The following ANO3 variants were observed in gnomAD, a reference collection of about 807,000 sequenced individuals.
ANO3 encodes anoctamin-3.
ANO3 carries 99 observed loss-of-function variants against 144.8 expected under a neutral mutation model. The ratio of observed to expected loss-of-function variants is 0.68; its 90% confidence interval spans 0.58 to 0.81. The LOEUF (loss-of-function observed/expected upper bound fraction) is 0.81, where lower values mean the gene tolerates loss of function less well. ANO3 is among the 30% of genes least tolerant of loss of function. ANO3 has a pLI of 0.00. For synonymous variants in ANO3, 414 were observed against 392.6 expected (o/e 1.05, Z -0.64); for missense variants, 905 against 1,202.2 (o/e 0.75, Z 3.66).
intron 13 of ANO3, among the ~76,000 whole-genome samples, chr11:26,554,574 G>A (rs1430942194): frequency 6.6e-6 from 1 of 152,156 alleles, no homozygotes; most frequent in Non-Finnish European, 1.5e-5. Context: ...CCAGTTTTCT[G>A]TGTAGTCACC....
At chr11:26,480,266 G>C (rs988937769) in intron 4 of ANO3, among the ~76,000 whole-genome samples, 1 of 152,136 alleles carries the variant, frequency 6.6e-6, no homozygotes, top group Non-Finnish European at 1.5e-5. Context: ...TCTGCTGGGG[G>C]TGCTATAACA....
chr11:26,210,288 G>A (rs913286344), intron 1 of ANO3, among the ~76,000 whole-genome samples: 58 of 152,190 alleles, frequency 3.8e-4, no homozygotes, highest in Non-Finnish European at 4.3e-4. Context: ...AAGATCAGAT[G>A]GTTGTAGATG....
At chr11:26,488,126 A>G (rs1860539149) in intron 4 of ANO3, among the ~76,000 whole-genome samples, 1 of 152,166 alleles carries the variant, frequency 6.6e-6, no homozygotes, top group Non-Finnish European at 1.5e-5. Context: ...AGATTGCACC[A>G]CTGCACTCCA....
intron 1 of ANO3, among the ~76,000 whole-genome samples, chr11:26,298,812 G>A (rs1854151506): frequency 6.6e-6 from 1 of 152,116 alleles, no homozygotes; most frequent in African/African-American, 2.4e-5. Context: ...AATGAGTGTT[G>A]TGAGATAGAA....
upstream of ANO3, among the ~76,000 whole-genome samples, chr11:26,330,913 T>G (rs1855021540): frequency 6.6e-6 from 1 of 152,218 alleles, no homozygotes; most frequent in South Asian, 2.1e-4. Flanking sequence ...CTGAGTTGAT[T>G]CCATAAAACT....
In ANO3 at chr11:26,565,071, T is replaced by A; in HGVS notation, c.1447+5292T>A. On this transcript the variant is annotated intron_variant, in intron 14 of 26. Coordinates refer to ENST00000256737, the MANE Select transcript of ANO3 (RefSeq NM_031418.4). ...TCCATGCTATTGTGTTCTCTTCTGT[T>A]TTTCCAGCATGGTGATTCCTTAGAC... is the stretch of plus-strand genomic sequence containing the variant. 4 of 1,263,390 alleles carry A rather than the reference T, an allele frequency of 3.2e-6. No individual in the cohort carries two copies. In the South Asian group the frequency reaches 7.2e-5, roughly 23 times the overall value. The allele number at this position is 1,263,390 out of a possible 1,614,324, so 78.3% of individuals were successfully genotyped here.
intron 14 of ANO3, among the ~76,000 whole-genome samples, chr11:26,596,930 G>A (rs1262430105): frequency 6.6e-6 from 1 of 152,200 alleles, no homozygotes; most frequent in Non-Finnish European, 1.5e-5. Flanking sequence ...GCTGGTTCCA[G>A]GCAGAACAAA....
At chr11:26,616,363 C>A (rs1442784940) in intron 17 of ANO3, among the ~76,000 whole-genome samples, 2 of 150,764 alleles carry the variant, frequency 1.3e-5, no homozygotes, top group African/African-American at 4.9e-5. Context: ...ATCACAATGA[C>A]TTTTCATGTC....
At chr11:26,567,229 T>C in intron 14 of ANO3, 1 of 812,630 alleles carries the variant, frequency 1.2e-6, no homozygotes, top group Non-Finnish European at 1.7e-6. Flanking sequence ...TAATGGAAAA[T>C]TTACTTTAAA....
chr11:26,591,951 A>G (rs1217816922), intron 14 of ANO3, among the ~76,000 whole-genome samples: 1 of 152,176 alleles, frequency 6.6e-6, no homozygotes, highest in Non-Finnish European at 1.5e-5. Context: ...GGTCCTTCCC[A>G]GGATGTATCT....
intron 1 of ANO3, among the ~76,000 whole-genome samples, chr11:26,289,863 G>A (rs1853914949): frequency 6.6e-6 from 1 of 151,530 alleles, no homozygotes. Flanking sequence ...GTTCATCAGG[G>A]ATATTGGTCT....
chr11:26,333,438 A>T (rs1402875430), intron 1 of ANO3, among the ~76,000 whole-genome samples: 1 of 151,802 alleles, frequency 6.6e-6, no homozygotes, highest in South Asian at 2.1e-4. Context: ...CCCGCCACCA[A>T]GCCCAGCTAA....
At chr11:26,243,169 A>G (rs910723328) in intron 1 of ANO3, among the ~76,000 whole-genome samples, 1 of 152,148 alleles carries the variant, frequency 6.6e-6, no homozygotes, top group Admixed American at 6.6e-5. Flanking sequence ...TCTCTAAGCT[A>G]AAAAACAATA....
intron 1 of ANO3, among the ~76,000 whole-genome samples, chr11:26,412,795 A>AGAGT (rs376311761): frequency 2.9e-5 from 4 of 140,130 alleles, no homozygotes; most frequent in Admixed American, 7.3e-5. Flanking sequence ...GAGAAAGGAA[A>AGAGT]GTGTGTGTGT....
chr11:26,474,480 A>G (rs1859890156), intron 4 of ANO3, among the ~76,000 whole-genome samples: 1 of 151,868 alleles, frequency 6.6e-6, no homozygotes, highest in South Asian at 2.1e-4. Context: ...ATTTTTCTTA[A>G]TAATTTTATA....
chr11:26,277,797 C>T (rs562305542), intron 1 of ANO3, among the ~76,000 whole-genome samples: 11 of 152,036 alleles, frequency 7.2e-5, no homozygotes, highest in Admixed American at 5.9e-4. Context: ...GAACTTCATA[C>T]TACATCATCT....
intron 1 of ANO3, among the ~76,000 whole-genome samples, chr11:26,208,550 A>T (rs899515595): frequency 1.3e-5 from 2 of 151,854 alleles, no homozygotes; most frequent in African/African-American, 4.8e-5. Flanking sequence ...GGACACAAAC[A>T]TTCAGACCAT....
At chr11:26,520,345 A>G (rs191376347) in intron 6 of ANO3, among the ~76,000 whole-genome samples, 8 of 152,272 alleles carry the variant, frequency 5.3e-5, no homozygotes, top group Admixed American at 2.6e-4. Flanking sequence ...GTAAAAGAAG[A>G]GTTCTACTAT....
chr11:26,236,396 TAA>T (rs1483951419), intron 1 of ANO3, among the ~76,000 whole-genome samples: 1 of 150,530 alleles, frequency 6.6e-6, no homozygotes. Context: ...AGCAATCTCT[TAA>T]AAGTGTTTTG....
Sources: gnomAD v4.1 joint callset for allele counts (sites outside exome capture counted in the v4.1 genomes callset) on GRCh38, gnomAD v4.1.1 for gene constraint, MANE v1.5 for transcripts, NCBI Gene and HGNC (gene_info 2026-07-23, HGNC 2026-07-21) for gene names.